The following GAB1 variants were observed in gnomAD, a reference collection of about 807,000 sequenced individuals.
The protein encoded by GAB1 is GRB2 associated binding protein 1.
Under a neutral mutation model 66.5 loss-of-function variants are expected in GAB1, and 19 were observed. The observed-to-expected ratio is 0.29, with a 90% CI of 0.20 to 0.42. GAB1 has a LOEUF of 0.42. Ranked by LOEUF, GAB1 falls within the 10% of genes least tolerant of loss-of-function variation. The pLI, the probability that GAB1 is intolerant of heterozygous loss-of-function variation, is 1.00. For missense variants in GAB1, 732 were observed against 858.5 expected (o/e 0.85, Z 1.84); for synonymous variants, 294 against 301.4 (o/e 0.98, Z 0.25).
chr4:143,350,837 C>T (rs890606716), intron 1 of GAB1, among the ~76,000 whole-genome samples: 1 of 152,156 alleles, frequency 6.6e-6, no homozygotes, highest in African/African-American at 2.4e-5. Context: ...TTGACTACTA[C>T]GCACATTTCT....
intron 6 of GAB1, among the ~76,000 whole-genome samples, chr4:143,455,956 GA>G (rs1247095587): frequency 2.0e-5 from 3 of 152,160 alleles, no homozygotes; most frequent in African/African-American, 7.2e-5. Context: ...CAGGCTAGAG[GA>G]AGTCTCAACT....
At chr4:143,414,138 G>C (rs1428412557) in intron 1 of GAB1, among the ~76,000 whole-genome samples, 1 of 152,026 alleles carries the variant, frequency 6.6e-6, no homozygotes, top group African/African-American at 2.4e-5. Flanking sequence ...GTGTCCTCTT[G>C]AGGTAGTCTT....
At chr4:143,447,611 T>G (rs372217746) in intron 6 of GAB1, among the ~76,000 whole-genome samples, 1 of 152,206 alleles carries the variant, frequency 6.6e-6, no homozygotes, top group Admixed American at 6.5e-5. Flanking sequence ...TGTATAAGAA[T>G]GCTTGTGATT....
intron 1 of GAB1, among the ~76,000 whole-genome samples, chr4:143,348,072 G>A (rs1403567760): frequency 6.6e-6 from 1 of 152,102 alleles, no homozygotes; most frequent in African/African-American, 2.4e-5. Context: ...ATCTTTGTTA[G>A]TTGGTTCTTC....
intron 1 of GAB1, among the ~76,000 whole-genome samples, chr4:143,343,877 G>C (rs1384158611): frequency 6.6e-6 from 1 of 152,178 alleles, no homozygotes; most frequent in East Asian, 1.9e-4. Context: ...CATGTGAGGA[G>C]TTTGGCTGTC....
chr4:143,347,156 A>G (rs912289017), intron 1 of GAB1, among the ~76,000 whole-genome samples: 3 of 152,234 alleles, frequency 2.0e-5, no homozygotes, highest in African/African-American at 7.2e-5. Flanking sequence ...TCCAGAGGAC[A>G]GAGATGGCAT....
chr4:143,466,248 C>T, intron 9 of GAB1, 23 bp downstream of exon 9: 1 of 1,610,330 alleles, frequency 6.2e-7, no homozygotes, highest in Non-Finnish European at 8.5e-7. Context: ...TGACATGTCT[C>T]TTCTTTGTAT....
rs935759575 is a variant in GAB1 at position 143,470,078 on chromosome 4, G to C, written c.*889G>C. 1 of 152,256 alleles carries C rather than the reference G, an allele frequency of 6.6e-6. No individual in the cohort carries two copies. Among genetic ancestry groups the C allele is most frequent in the African/African-American group, 2.4e-5 (1 of 41,424 alleles). 9.4% of individuals were successfully genotyped at this position (152,256 alleles called of 1,614,324 possible). ...ATGAGCTTTGGTTGTGTTCTTGTTA[G>C]TCCTAATATTGGTTTTCAGTTTGGA... On this transcript the variant is annotated 3_prime_UTR_variant, in exon 10 of 10. Coordinates refer to ENST00000262994, the MANE Select transcript of GAB1 (RefSeq NM_002039.4).
At chr4:143,367,368 A>G (rs1242778970) in intron 1 of GAB1, among the ~76,000 whole-genome samples, 1 of 152,170 alleles carries the variant, frequency 6.6e-6, no homozygotes, top group Non-Finnish European at 1.5e-5. Flanking sequence ...CTGGAAAGGA[A>G]ATTCGATATT....
At chr4:143,464,161 G>A (rs1411978137) in intron 8 of GAB1, among the ~76,000 whole-genome samples, 1 of 152,096 alleles carries the variant, frequency 6.6e-6, no homozygotes, top group Non-Finnish European at 1.5e-5. Flanking sequence ...AGAAGAGAGG[G>A]ATTGCTATTT....
Position 143,415,553 on chromosome 4 carries a change from A to G in GAB1, c.149A>G (p.Asn50Ser), listed in dbSNP as rs780474022. The change falls in exon 2 of 10, where the codon AAT (asparagine) becomes AGT (serine). Residue 50 changes from asparagine (N) to serine (S), a missense_variant. By Grantham distance (46) the Asn-to-Ser change is conservative. Transcript: ENST00000262994. ...CCAGATGTTTTGGAATATTACAAAA[A>G]TGATCATGCCAAGAAGCCTATTCGT... ...GDPDVLEYYK[N>S]DHAKKPIRII... is the part of the protein sequence containing the mutation. 2 of 1,613,494 alleles carry G rather than the reference A, an allele frequency of 1.2e-6. No individual in the cohort carries two copies. Among genetic ancestry groups the G allele is most frequent in the Non-Finnish European group, 1.7e-6 (2 of 1,179,414 alleles).
At position 143,425,213 on chromosome 4, in the gene GAB1, G is replaced by A; in HGVS notation, c.368-8278G>A. The A allele has an allele frequency of 1.0e-5, 9 of 887,888 alleles. No individual in the cohort carries two copies. In the South Asian group the frequency reaches 1.0e-4, roughly 10 times the overall value. 55.0% of individuals were successfully genotyped at this position (887,888 alleles called of 1,614,324 possible). A position where few individuals can be genotyped will look rare whatever the true frequency, so the allele number is the denominator to read the frequency against. On this transcript the variant is annotated intron_variant, in intron 2 of 9. Transcript: ENST00000262994. ...ACATTATAAATCTGAAGAGGACCTG[G>A]GAGAAGCTTCTGCTGGCAGCTCATG... is the stretch of plus-strand genomic sequence containing the variant.
At chr4:143,415,042 C>T (rs991204071) in intron 1 of GAB1, among the ~76,000 whole-genome samples, 2 of 152,146 alleles carry the variant, frequency 1.3e-5, no homozygotes, top group African/African-American at 4.8e-5. Flanking sequence ...AATTTGACTA[C>T]TTGAACTACC....
intron 7 of GAB1, 67 bp downstream of exon 7, chr4:143,459,545 A>T: frequency 2.1e-6 from 2 of 933,776 alleles, no homozygotes; most frequent in Non-Finnish European, 3.5e-6. Flanking sequence ...GTTCATTATC[A>T]TGGAAAATAT....
chr4:143,374,086 A>G (rs1343647555), intron 1 of GAB1, among the ~76,000 whole-genome samples: 1 of 151,378 alleles, frequency 6.6e-6, no homozygotes, highest in Non-Finnish European at 1.5e-5. Context: ...TTCTTCCTGG[A>G]GATCTTTTTT....
intron 1 of GAB1, among the ~76,000 whole-genome samples, chr4:143,379,202 G>T (rs938613604): frequency 1.3e-5 from 2 of 152,144 alleles, no homozygotes; most frequent in African/African-American, 2.4e-5. Context: ...GTTGAAAAGG[G>T]TTTATTAAAG....
chr4:143,340,981 CAA>C (rs1320141360), intron 1 of GAB1, among the ~76,000 whole-genome samples: 1 of 152,114 alleles, frequency 6.6e-6, no homozygotes, highest in African/African-American at 2.4e-5. Flanking sequence ...GAATGACACA[CAA>C]AAAAATGAAA....
At position 143,474,222 on chromosome 4, in the gene GAB1, C is replaced by G. The variant is rs1054421726; in HGVS notation, c.*5033C>G. On this transcript the variant is annotated 3_prime_UTR_variant, in exon 10 of 10. Transcript: ENST00000262994. ...AGAAAATTAAGTTTCTAAGATGTTT[C>G]TATACTTCATTAGAAAAGATTTTAT... 6.6e-6 allele frequency: 1 copy of G among 152,006 alleles called. No individual in the cohort carries two copies. Among genetic ancestry groups the G allele is most frequent in the Non-Finnish European group, 1.5e-5 (1 of 68,006 alleles). The allele number at this position is 152,006 out of a possible 1,614,324, so 9.4% of individuals were successfully genotyped here. A position where few individuals can be genotyped will look rare whatever the true frequency, so the allele number is the denominator to read the frequency against.
intron 3 of GAB1, among the ~76,000 whole-genome samples, chr4:143,436,069 C>T (rs1320338879): frequency 1.3e-5 from 2 of 152,182 alleles, no homozygotes; most frequent in Non-Finnish European, 2.9e-5. Flanking sequence ...AAATGAAGTA[C>T]AAATTTTAGA....
Sources: allele counts gnomAD v4.1 joint callset (sites outside exome capture counted in the v4.1 genomes callset), GRCh38; gene constraint gnomAD v4.1.1; transcripts MANE v1.5; gene names NCBI Gene and HGNC (gene_info 2026-07-23, HGNC 2026-07-21).